Variants in FOXJ2 observed in about 807,000 individuals in gnomAD.
The protein encoded by FOXJ2 is forkhead box protein J2.
A neutral mutation model predicts 68.4 loss-of-function variants in FOXJ2; 18 were observed. The ratio of observed to expected loss-of-function variants is 0.26; its 90% CI spans 0.18 to 0.39. The LOEUF (loss-of-function observed/expected upper bound fraction) is 0.39. Among genes scored for constraint, FOXJ2 ranks in the 10% least tolerant of loss-of-function variants. The pLI, the probability that FOXJ2 is intolerant of heterozygous loss-of-function variation, is 1.00. For missense variants in FOXJ2, 670 were observed against 726.5 expected (o/e 0.92, Z 0.89); for synonymous variants, 274 against 263.2 (o/e 1.04, Z -0.40).
chr12:8,036,828 C>A (rs1946902285), intron 1 of FOXJ2, among the ~76,000 whole-genome samples: 1 of 152,156 alleles, frequency 6.6e-6, no homozygotes, highest in Non-Finnish European at 1.5e-5. Context: ...GTGTTTCACA[C>A]CTGTAATCCC....
At chr12:8,051,112 CTTCCCTTCCCT>C (rs1947119684) in intron 10 of FOXJ2, among the ~76,000 whole-genome samples, 1 of 60,920 alleles carries the variant, frequency 1.6e-5, no homozygotes, top group Non-Finnish European at 3.9e-5. Flanking sequence ...TTCCCCTTCC[CTTCCCTTCCCT>C]TTCCCTTCCC....
chr12:8,042,517 T>A, intron 2 of FOXJ2, 141 bp from the exon 3 acceptor site: 1 of 593,048 alleles, frequency 1.7e-6, no homozygotes, highest in Non-Finnish European at 3.0e-6. Flanking sequence ...CCTCCATCGG[T>A]GTAGTTAAGA....
intron 1 of FOXJ2, among the ~76,000 whole-genome samples, chr12:8,036,077 T>A (rs1264081834): frequency 6.6e-6 from 1 of 152,236 alleles, no homozygotes; most frequent in Non-Finnish European, 1.5e-5. Context: ...AAACAACAGC[T>A]ACATTTATTT....
intron 5 of FOXJ2, 144 bp downstream of exon 5, chr12:8,044,235 TAG>T (rs375890905): frequency 5.2e-4 from 541 of 1,039,468 alleles, no homozygotes; most frequent in South Asian, 7.0e-4. Context: ...AAGAGGGAAA[TAG>T]AGAGAGAGAG....
In FOXJ2 at chr12:8,033,227, A is replaced by C. The variant is rs1335974542; in HGVS notation, c.-621A>C. On this transcript the variant is annotated 5_prime_UTR_variant, in exon 1 of 11. Transcript: ENST00000162391. ...CCCTAGCGCGCCCCCGCCCCTCCAA[A>C]CACACACTCTCAACAGTTCAGGACT... The C allele has an allele frequency of 1.4e-5, 3 of 212,930 alleles. No individual in the cohort carries two copies. Among genetic ancestry groups the C allele is most frequent in the Non-Finnish European group, 2.8e-5 (3 of 108,268 alleles). The allele number at this position is 212,930 out of a possible 1,614,324, so 13.2% of individuals were successfully genotyped here. A position where few individuals can be genotyped will look rare whatever the true frequency, so the allele number is the denominator to read the frequency against.
intron 7 of FOXJ2, 64 bp from the exon 8 acceptor site, chr12:8,048,633 A>G: frequency 2.1e-6 from 3 of 1,429,970 alleles, no homozygotes; most frequent in Non-Finnish European, 3.0e-6. Flanking sequence ...TCAGCCTGGT[A>G]TCAGTTGACT....
intron 10 of FOXJ2, among the ~76,000 whole-genome samples, chr12:8,051,546 G>C (rs1947126709): frequency 2.0e-5 from 3 of 152,178 alleles, no homozygotes; most frequent in South Asian, 4.1e-4. Context: ...TGGAAGATGT[G>C]CTCAGGCAAA....
intron 1 of FOXJ2, among the ~76,000 whole-genome samples, chr12:8,034,072 T>A (rs1358152098): frequency 6.6e-6 from 1 of 152,176 alleles, no homozygotes; most frequent in African/African-American, 2.4e-5. Flanking sequence ...TTTAGGTCCC[T>A]TAGGGAAGTG....
At chr12:8,045,021 C>A in intron 6 of FOXJ2, 63 bp downstream of exon 6, 1 of 1,475,632 alleles carries the variant, frequency 6.8e-7, no homozygotes, top group Non-Finnish European at 9.3e-7. Flanking sequence ...AGTGGGGTGA[C>A]ATTTTCTTTT....
chr12:8,044,756 G>T lies in FOXJ2; in HGVS notation c.619-4G>T, dbSNP rs1224349619. 3.1e-6 allele frequency: 5 copies of T among 1,613,032 alleles called. No homozygotes were observed. The African/African-American group carries it at 5.3e-5, about 17-fold the overall frequency. On this transcript the variant is annotated splice_polypyrimidine_tract_variant and splice_region_variant and intron_variant, in intron 5 of 10. Coordinates refer to ENST00000162391, the MANE Select transcript of FOXJ2 (RefSeq NM_018416.3). ...GATCAGGAATTTCTTACCTGTTTTT[G>T]CAGGGCACAGGATCTGTGGATGGTG...
chr12:8,050,441 G>T lies in FOXJ2; in HGVS notation c.1538-81G>T, dbSNP rs1947101226. On this transcript the variant is annotated intron_variant, in intron 9 of 10. Coordinates refer to ENST00000162391, the MANE Select transcript of FOXJ2 (RefSeq NM_018416.3). ...AGAGAGAAGGAGGATGGGAGCAAGG[G>T]TATATTTTTTTCTTCCCTGCTTTGT... The T allele has an allele frequency of 4.5e-6, 7 of 1,549,276 alleles. 1 individual carries two copies. The South Asian group carries it at 8.5e-5, about 19-fold the overall frequency.
chr12:8,043,909 T>A, intron 4 of FOXJ2, 42 bp from the exon 5 acceptor site: 2 of 1,560,258 alleles, frequency 1.3e-6, no homozygotes, highest in Non-Finnish European at 1.7e-6. Context: ...GGGAGGATAT[T>A]GCGCCTCTGC....
Position 8,049,548 on chromosome 12 carries a change from A to C in FOXJ2, c.1514A>C (p.Lys505Thr). ...GACTCCTGTGCCCTCACCAGTGGCA[A>C]ACAGGAGTCAGCCATGAGCCAAGGT... ...IADSCALTSG[K>T]QESAMSQVNS... is the part of the protein sequence containing the mutation. The change falls in exon 9 of 11, where the codon AAA becomes ACA. Residue 505 changes from lysine (K) to threonine (T), a missense_variant. Lys to Thr is a moderately conservative substitution (Grantham distance 78). Around this residue, in one of 2 missense-constraint regions of FOXJ2, gnomAD observed 555 missense variants for 562.2 expected, o/e 0.99. Coordinates refer to ENST00000162391, the MANE Select transcript of FOXJ2 (RefSeq NM_018416.3). 2 of 1,606,322 alleles carry C rather than the reference A, an allele frequency of 1.2e-6. No individual in the cohort carries two copies. The highest frequency in any genetic ancestry group is 1.7e-6 in the Non-Finnish European group (2 of 1,174,044).
chr12:8,040,427 CTT>C lies in FOXJ2; in HGVS notation c.333+273_333+274del, dbSNP rs569459287. Among the ~76,000 whole-genome samples, 1 of 144,830 alleles carries C rather than the reference CTT, an allele frequency of 6.9e-6. No individual in the cohort carries two copies. Among genetic ancestry groups the C allele is most frequent in the African/African-American group, 2.5e-5 (1 of 39,710 alleles). ...GTTGCTCATCACACCCTCTTATCTTCTTTTTTTTTTTTGAGACAGAGTCTCGT... is the reference window on the plus strand; with the variant it reads ...GTTGCTCATCACACCCTCTTATCTTCTTTTTTTTTTGAGACAGAGTCTCGT... On this transcript the variant is annotated intron_variant, in intron 2 of 10. Coordinates refer to ENST00000162391, the MANE Select transcript of FOXJ2 (RefSeq NM_018416.3). The surrounding 1 kb of genome is among the most constrained non-coding windows in gnomAD (Gnocchi z 4.0).
Position 8,040,014 on chromosome 12 carries a change from T to C in FOXJ2, c.182T>C (p.Val61Ala), listed in dbSNP as rs932023917. The C allele has an allele frequency of 1.2e-6, 2 of 1,614,034 alleles. No homozygotes were observed. Among genetic ancestry groups the C allele is most frequent in the African/African-American group, 2.7e-5 (2 of 74,902 alleles). The change falls in exon 2 of 11, where the codon GTG becomes GCG. Residue 61 changes from valine (V) to alanine (A), a missense_variant. Val to Ala is a moderately conservative substitution (Grantham distance 64, BLOSUM62 0). Around this residue, in one of 2 missense-constraint regions of FOXJ2, gnomAD observed 115 missense variants for 164.3 expected, o/e 0.70. Coordinates refer to ENST00000162391, the MANE Select transcript of FOXJ2 (RefSeq NM_018416.3). This position sits in a 1 kb window ranked among gnomAD's most constrained non-coding sequence, Gnocchi z 4.0. The stretch of plus-strand genomic sequence containing the variant: ...ACCCTGAGCAAAGACGAGGCAGCAG[T>C]GCACCAGGACGGCAAGCCACGATAC... Reference protein sequence around the residue: ...NATLSKDEAAVHQDGKPRYSY... With the variant: ...NATLSKDEAAAHQDGKPRYSY...
chr12:8,037,564 C>T (rs1397822390), intron 1 of FOXJ2, among the ~76,000 whole-genome samples: 1 of 152,218 alleles, frequency 6.6e-6, no homozygotes, highest in East Asian at 1.9e-4. Context: ...AATCCACTCT[C>T]ATGCCCCTGT....
intron 6 of FOXJ2, among the ~76,000 whole-genome samples, chr12:8,047,511 G>T (rs1432401673): frequency 1.3e-5 from 2 of 151,648 alleles, no homozygotes; most frequent in Non-Finnish European, 2.9e-5. Context: ...TTTTGTTTCT[G>T]ATTTACTTTT....
Position 8,044,049 on chromosome 12 carries a change from G to T in FOXJ2, c.576G>T (p.Gln192His). The T allele has an allele frequency of 6.3e-7, 1 of 1,580,906 alleles. No homozygotes were observed. Among genetic ancestry groups the T allele is most frequent in the Middle Eastern group, 1.7e-4 (1 of 5,914 alleles). ...EASLPPEGNPQMSLQSPTSIA... is the reference protein window; with the variant it reads ...EASLPPEGNPHMSLQSPTSIA... ...CACTGCCTCCTGAGGGGAATCCGCAGATGTCACTTCAGAGCCCCACATCTA... is the reference window on the plus strand; with the variant it reads ...CACTGCCTCCTGAGGGGAATCCGCATATGTCACTTCAGAGCCCCACATCTA... Residue 192 changes from glutamine (Q) to histidine (H), a missense_variant, in exon 5 of 11, where the codon CAG (glutamine) becomes CAT (histidine). Physicochemically the swap from Gln to His is conservative, Grantham distance 24. This residue lies in a region of FOXJ2 where 555 missense variants were observed against 562.2 expected (regional missense o/e 0.99). Coordinates refer to ENST00000162391, the MANE Select transcript of FOXJ2 (RefSeq NM_018416.3).
At chr12:8,045,196 A>C (rs1019308885) in intron 6 of FOXJ2, among the ~76,000 whole-genome samples, 3 of 147,928 alleles carry the variant, frequency 2.0e-5, no homozygotes. Flanking sequence ...GGCACGTGCT[A>C]CCACGCTTGG....
Sources: gnomAD v4.1 joint callset for allele counts (sites outside exome capture counted in the v4.1 genomes callset) on GRCh38, gnomAD v4.1.1 for gene constraint, gnomAD v4.1.1 regional missense constraint, Gnocchi (gnomAD v3.1) non-coding constraint, MANE v1.5 for transcripts, NCBI Gene and HGNC (gene_info 2026-07-23, HGNC 2026-07-21) for gene names.